Variants in EPS8L3 observed in about 807,000 individuals in gnomAD.
EPS8L3 encodes the protein EPS8 signaling adaptor L3.
Under a neutral mutation model 88.5 loss-of-function variants are expected in EPS8L3, and 80 were observed. The observed-to-expected ratio is 0.90, with a 90% confidence interval of 0.75 to 1.09. The LOEUF (loss-of-function observed/expected upper bound fraction) is 1.09. Ranked by LOEUF, EPS8L3 falls within the 50% of genes least tolerant of loss-of-function variation. The probability of loss-of-function intolerance (pLI) is 0.00; values close to 1 mark genes in which losing one functional copy is unlikely to be tolerated. For synonymous variants in EPS8L3, 286 were observed against 291.0 expected (o/e 0.98, Z 0.18); for missense variants, 721 against 735.2 (o/e 0.98, Z 0.22).
Position 109,751,311 on chromosome 1 carries a change from G to C in EPS8L3, c.1604C>G (p.Thr535Arg), listed in dbSNP as rs546214042. 2.5e-6 allele frequency: 4 copies of C among 1,613,962 alleles called. No homozygotes were observed. Among genetic ancestry groups the C allele is most frequent in the Middle Eastern group, 1.7e-4 (1 of 6,060 alleles). ...GAAGTTCTCTGCCTGCAGCCAGTCT[G>C]TGACCTCTTCAGGCCTCGAGCTAAG... is the stretch of plus-strand genomic sequence containing the variant. ...LRLSSRPEEV[T>R]DWLQAENFST... Residue 535 changes from threonine to arginine, a missense_variant, in exon 17 of 19, where the codon ACA (threonine) becomes AGA (arginine). Physicochemically the swap from Thr to Arg is moderately conservative, Grantham distance 71. Transcript: ENST00000361965.
At position 109,753,188 on chromosome 1, in the gene EPS8L3, T is replaced by C. The variant is rs1045927307; in HGVS notation, c.1129A>G (p.Thr377Ala). ...TGGTAGGGCAGGGGCTCATCGCCTG[T>C]CCAGTCGGCCCTGAAGAGGGAAACA... ...PAWTTSRADW[T>A]GDEPLPYQPT... Residue 377 changes from threonine (T) to alanine (A), a missense_variant, in exon 13 of 19, where the codon ACA (threonine) becomes GCA (alanine). By Grantham distance (58) the Thr-to-Ala change is moderately conservative (BLOSUM62 0). Coordinates refer to ENST00000361965, the MANE Select transcript of EPS8L3 (RefSeq NM_133181.4). 4.3e-6 allele frequency: 7 copies of C among 1,610,222 alleles called. No individual in the cohort carries two copies. Among genetic ancestry groups the C allele is most frequent in the Non-Finnish European group, 5.9e-6 (7 of 1,178,062 alleles).
At chr1:109,761,425 G>T (rs1204061938) in intron 3 of EPS8L3, 70 bp downstream of exon 3, 2 of 1,367,974 alleles carry the variant, frequency 1.5e-6, no homozygotes, top group Non-Finnish European at 2.0e-6. Flanking sequence ...CCATGTTCTG[G>T]CAGGGCGGTG....
chr1:109,759,812 T>A lies in EPS8L3; in HGVS notation c.121A>T (p.Ser41Cys), dbSNP rs777511542. 6.2e-7 allele frequency: 1 copy of A among 1,613,902 alleles called. No individual in the cohort carries two copies. The highest frequency in any genetic ancestry group is 1.3e-5 in the African/African-American group (1 of 75,022). ...TCCTCGGGCCCCTGGACTCTCTGAC[T>A]CCCCTGCTTGCATGTCATCAAGTGC... ...VEHLMTCKQG[S>C]QRVQGPEDAL... The change falls in exon 4 of 19, where the codon AGT becomes TGT. Residue 41 changes from serine to cysteine, a missense_variant. Coordinates refer to ENST00000361965, the MANE Select transcript of EPS8L3 (RefSeq NM_133181.4). The surrounding 1 kb of genome is among the most constrained non-coding windows in gnomAD (Gnocchi z 4.2).
chr1:109,759,144 AGTGTGTGTGTGTGTGT>A lies in EPS8L3; in HGVS notation c.406-43_406-28del, dbSNP rs3220009. The A allele has an allele frequency of 2.0e-5, 30 of 1,492,612 alleles. No homozygotes were observed. Among genetic ancestry groups the A allele is most frequent in the African/African-American group, 1.1e-4 (8 of 71,780 alleles). 92.5% of individuals were successfully genotyped at this position (1,492,612 alleles called of 1,614,324 possible). ...TGGGAAGCAGCAGTCAGGCAGGCTA[AGTGTGTGTGTGTGTGT>A]GTGTGTGTGTGTGTGTGTGTGTGGT... On this transcript the variant is annotated intron_variant, in intron 5 of 18. Transcript: ENST00000361965. This position sits in a 1 kb window ranked among gnomAD's most constrained non-coding sequence, Gnocchi z 4.2.
intron 12 of EPS8L3, among the ~76,000 whole-genome samples, chr1:109,753,688 G>A (rs1019191687): frequency 6.6e-6 from 1 of 152,162 alleles, no homozygotes; most frequent in Non-Finnish European, 1.5e-5. Flanking sequence ...TCTGGGATGG[G>A]CTGGTCCTTG....
At chr1:109,760,419 C>A (rs1046618653) in intron 3 of EPS8L3, among the ~76,000 whole-genome samples, 3 of 152,122 alleles carry the variant, frequency 2.0e-5, no homozygotes, top group African/African-American at 7.2e-5. Flanking sequence ...TCCCTTCTCC[C>A]AGCCAAACAT....
At chr1:109,758,761 C>G (rs1262058183) in intron 6 of EPS8L3, 98 bp from the exon 7 acceptor site, 2 of 1,441,516 alleles carry the variant, frequency 1.4e-6, no homozygotes, top group Non-Finnish European at 1.9e-6. Context: ...ACCACCACCT[C>G]TCTCCAGGAG....
intron 17 of EPS8L3, 92 bp downstream of exon 17, chr1:109,751,186 T>C: frequency 2.7e-6 from 3 of 1,128,416 alleles, no homozygotes; most frequent in Non-Finnish European, 3.9e-6. Flanking sequence ...ATGTACAATG[T>C]AGGCCAGGTT....
At chr1:109,750,544 C>G (rs142059802) in intron 18 of EPS8L3, 116 bp downstream of exon 18, 5 of 1,581,622 alleles carry the variant, frequency 3.2e-6, no homozygotes, top group Non-Finnish European at 4.3e-6. Context: ...GCCCAGCACC[C>G]GCCACACTCA....
chr1:109,762,153 G>A (rs192438147), intron 1 of EPS8L3, among the ~76,000 whole-genome samples: 21 of 152,294 alleles, frequency 1.4e-4, no homozygotes, highest in African/African-American at 4.8e-4. Context: ...GATGCTGGAT[G>A]AGCAGAGGGT....
chr1:109,757,484 G>A lies in EPS8L3; in HGVS notation c.966C>T (p.Asn322=), dbSNP rs1404396388. 1 of 1,613,862 alleles carries A rather than the reference G, an allele frequency of 6.2e-7. No homozygotes were observed. The highest frequency in any genetic ancestry group is 1.3e-5 in the African/African-American group (1 of 74,908). Residue 322 remains asparagine, a synonymous_variant, in exon 11 of 19, where the codon AAC becomes AAT. Transcript: ENST00000361965. ...ELVHILFKSL[N]FILARCPEAG... ...ACCCTGTCGTCCCTTGACTCACGAA[G>A]TTCAGGGACTTGAAGAGGATGTGTA...
rs1223695430 is a variant in EPS8L3 at position 109,758,323 on chromosome 1, C to A, written c.710G>T (p.Arg237Met). The A allele has an allele frequency of 1.2e-6, 2 of 1,613,594 alleles. No homozygotes were observed. Among genetic ancestry groups the A allele is most frequent in the South Asian group, 1.1e-5 (1 of 90,958 alleles). Residue 237 changes from arginine to methionine, a missense_variant, in exon 8 of 19, where the codon AGG becomes ATG. Physicochemically the swap from Arg to Met is moderately conservative, Grantham distance 91 (BLOSUM62 -1). Coordinates refer to ENST00000361965, the MANE Select transcript of EPS8L3 (RefSeq NM_133181.4). ...AAGACCATCCGCAGTTACCTCGTCC[C>A]TCTCTGGGTCCTCGGGGGAAGAGGA... The part of the protein sequence containing the change: ...RRSSSPEDPE[R>M]DEEVLNHVLR...
chr1:109,761,781 C>T lies in EPS8L3; in HGVS notation c.-24-8G>A. 1.2e-6 allele frequency: 2 copies of T among 1,613,676 alleles called. No homozygotes were observed. The highest frequency in any genetic ancestry group is 1.1e-5 in the South Asian group (1 of 91,058). The stretch of plus-strand genomic sequence containing the variant: ...GCTGCTGAGGACGGCTCCCTAGAAC[C>T]CAAAGTGAACCAGAGGCAGCCATCA... On this transcript the variant is annotated splice_region_variant and splice_polypyrimidine_tract_variant and intron_variant, in intron 1 of 18. Transcript: ENST00000361965.
In EPS8L3 at chr1:109,761,172, A is replaced by C. The variant is rs1570706074; in HGVS notation, c.96+323T>G. 3.2e-5 allele frequency: 9 copies of C among 279,618 alleles called. No individual in the cohort carries two copies. In the Middle Eastern group the frequency reaches 4.7e-3, roughly 145 times the overall value. The allele number at this position is 279,618 out of a possible 1,614,324, so 17.3% of individuals were successfully genotyped here. Reference sequence around the variant, plus strand: ...CTCGGGCAGCAGGGGGTTGGGAGACAGGGGAGGGTAGGTGGGTGGGTGGTT... The same window carrying C: ...CTCGGGCAGCAGGGGGTTGGGAGACCGGGGAGGGTAGGTGGGTGGGTGGTT... On this transcript the variant is annotated intron_variant, in intron 3 of 18. Coordinates refer to ENST00000361965, the MANE Select transcript of EPS8L3 (RefSeq NM_133181.4).
intron 3 of EPS8L3, 63 bp downstream of exon 3, chr1:109,761,432 G>A (rs1462842332): frequency 7.7e-6 from 11 of 1,425,340 alleles, no homozygotes; most frequent in Admixed American, 3.8e-5. Context: ...CTGGCAGGGC[G>A]GTGGGCACAT....
chr1:109,760,259 C>T (rs1478962249), intron 3 of EPS8L3, among the ~76,000 whole-genome samples: 1 of 152,176 alleles, frequency 6.6e-6, no homozygotes, highest in Non-Finnish European at 1.5e-5. Flanking sequence ...CAGTCTTCCT[C>T]CTCACTCACC....
At chr1:109,762,566 G>T (rs7533771) in intron 1 of EPS8L3, among the ~76,000 whole-genome samples, 29,585 of 152,104 alleles carry the variant, frequency 0.19, 3,309 homozygotes, top group Non-Finnish European at 0.25. Flanking sequence ...GGTGCTGTGA[G>T]CCTGGTGCTG....
In EPS8L3 at chr1:109,759,332, T is replaced by C; in HGVS notation, c.311A>G (p.Asn104Ser). ...CAGGATGGAGTTGTAGGAACATGTG[T>C]TGAGCGCCACATTCATGGCCTGGAT... ...DSIQAMNVAL[N>S]TCSYNSILSI... Residue 104 changes from asparagine to serine, a missense_variant, in exon 5 of 19, where the codon AAC (asparagine) becomes AGC (serine). Transcript: ENST00000361965. This position sits in a 1 kb window ranked among gnomAD's most constrained non-coding sequence, Gnocchi z 4.2. The C allele has an allele frequency of 6.2e-7, 1 of 1,614,124 alleles. No homozygotes were observed. Among genetic ancestry groups the C allele is most frequent in the Non-Finnish European group, 8.5e-7 (1 of 1,180,008 alleles).
chr1:109,759,808 T>C lies in EPS8L3; in HGVS notation c.125A>G (p.Gln42Arg). 2 of 1,614,014 alleles carry C rather than the reference T, an allele frequency of 1.2e-6. No homozygotes were observed. Among genetic ancestry groups the C allele is most frequent in the Non-Finnish European group, 1.7e-6 (2 of 1,179,990 alleles). ...EHLMTCKQGS[Q>R]RVQGPEDALQ... ...GGCATCCTCGGGCCCCTGGACTCTC[T>C]GACTCCCCTGCTTGCATGTCATCAA... Residue 42 changes from glutamine (Q) to arginine (R), a missense_variant, in exon 4 of 19, where the codon CAG becomes CGG. By Grantham distance (43) the Gln-to-Arg change is conservative. Coordinates refer to ENST00000361965, the MANE Select transcript of EPS8L3 (RefSeq NM_133181.4). This position sits in a 1 kb window ranked among gnomAD's most constrained non-coding sequence, Gnocchi z 4.2.
Sources: gnomAD v4.1 joint callset for allele counts (sites outside exome capture counted in the v4.1 genomes callset) on GRCh38, gnomAD v4.1.1 for gene constraint, Gnocchi (gnomAD v3.1) non-coding constraint, MANE v1.5 for transcripts, NCBI Gene and HGNC (gene_info 2026-07-23, HGNC 2026-07-21) for gene names.